Variants in ENTPD1 observed in about 807,000 individuals in gnomAD.
ENTPD1 encodes the protein ATP diphosphohydrolase.
Under a neutral mutation model 57.0 loss-of-function variants are expected in ENTPD1, and 33 were observed. The observed-to-expected ratio is 0.58, with a 90% CI of 0.44 to 0.77. The LOEUF (loss-of-function observed/expected upper bound fraction) is 0.77. ENTPD1 is among the 30% of genes least tolerant of loss of function. ENTPD1 has a pLI of 0.00. For missense variants in ENTPD1, 501 were observed against 603.4 expected, an observed-to-expected ratio of 0.83 and a Z score of 1.78; for synonymous variants, 202 against 218.8, an observed-to-expected ratio of 0.92 and a Z score of 0.68.
chr10:95,699,182 G>C, the ENTPD1 span, among the ~76,000 whole-genome samples: 1 of 149,260 alleles, frequency 6.7e-6, no homozygotes, highest in Non-Finnish European at 1.5e-5. Context: ...AAGGAAAAAG[G>C]AAAAAAAAAT....
At chr10:95,773,755 C>G (rs1000769924) in intron 1 of ENTPD1, among the ~76,000 whole-genome samples, 1 of 152,146 alleles carries the variant, frequency 6.6e-6, no homozygotes, top group Non-Finnish European at 1.5e-5. Flanking sequence ...TGGGTTGGTT[C>G]CAAGTCTTTG....
intron 1 of ENTPD1, among the ~76,000 whole-genome samples, chr10:95,745,033 A>G (rs1246855770): frequency 6.6e-6 from 1 of 152,170 alleles, no homozygotes; most frequent in Non-Finnish European, 1.5e-5. Context: ...TGGAGCTCTA[A>G]TAAGTTGATT....
At position 95,839,942 on chromosome 10, in the gene ENTPD1, G is replaced by A; in HGVS notation, c.262+134G>A. On this transcript the variant is annotated intron_variant, in intron 3 of 9. Transcript: ENST00000371205. ...AAGTGAAGAAAACAGTGCAGCTGCTGTTGTTATGTTATCGTTACAGAAAAC... is the reference window on the plus strand; with the variant it reads ...AAGTGAAGAAAACAGTGCAGCTGCTATTGTTATGTTATCGTTACAGAAAAC... The A allele has an allele frequency of 6.1e-6, 5 of 819,712 alleles. No individual in the cohort carries two copies. The South Asian group carries it at 7.4e-5, about 12-fold the overall frequency. The allele number at this position is 819,712 out of a possible 1,614,324, so 50.8% of individuals were successfully genotyped here. A position where few individuals can be genotyped will look rare whatever the true frequency, so the allele number is the denominator to read the frequency against.
intron 1 of ENTPD1, among the ~76,000 whole-genome samples, chr10:95,729,132 A>T (rs2097986755): frequency 6.6e-6 from 1 of 152,046 alleles, no homozygotes; most frequent in African/African-American, 2.4e-5. Flanking sequence ...ATGTAAGTGG[A>T]CTCTCAAAGT....
chr10:95,807,672 T>C (rs978674441), intron 1 of ENTPD1, among the ~76,000 whole-genome samples: 4 of 152,216 alleles, frequency 2.6e-5, no homozygotes, highest in African/African-American at 9.6e-5. Context: ...TTTTGAGCAG[T>C]GTTTTGTAGT....
intron 1 of ENTPD1, among the ~76,000 whole-genome samples, chr10:95,775,312 C>T (rs771840504): frequency 2.6e-5 from 4 of 152,062 alleles, no homozygotes; most frequent in African/African-American, 4.8e-5. Context: ...AATTGAATAC[C>T]CTTTATTTCT....
At chr10:95,840,281 A>G (rs958286034) in intron 3 of ENTPD1, among the ~76,000 whole-genome samples, 17 of 152,250 alleles carry the variant, frequency 1.1e-4, no homozygotes, top group Non-Finnish European at 2.2e-4. Flanking sequence ...TCAAACTTGC[A>G]TGAGCTTGTT....
At chr10:95,820,583 C>G (rs1205537523) in intron 1 of ENTPD1, among the ~76,000 whole-genome samples, 2 of 152,180 alleles carry the variant, frequency 1.3e-5, no homozygotes, top group Non-Finnish European at 2.9e-5. Flanking sequence ...CTCTTATGTT[C>G]TTACTCCCTC....
Position 95,876,750 on chromosome 10 carries a change from C to A in ENTPD1, c.*10367C>A. 1.3e-6 allele frequency: 1 copy of A among 793,440 alleles called. No homozygotes were observed. Among genetic ancestry groups the A allele is most frequent in the Non-Finnish European group, 1.6e-6 (1 of 612,882 alleles). 49.1% of individuals were successfully genotyped at this position (793,440 alleles called of 1,614,324 possible). A position where few individuals can be genotyped will look rare whatever the true frequency, so the allele number is the denominator to read the frequency against. ...GAAAAATATAATACACATCCATGTG[C>A]CCATCACAGAACTTCACTGATTATC... On this transcript the variant is annotated 3_prime_UTR_variant, in exon 10 of 10. Coordinates refer to ENST00000371205, the MANE Select transcript of ENTPD1 (RefSeq NM_001776.6).
chr10:95,723,349 C>A (rs1456349534), intron 1 of ENTPD1, among the ~76,000 whole-genome samples: 1 of 152,022 alleles, frequency 6.6e-6, no homozygotes, highest in Non-Finnish European at 1.5e-5. Context: ...TTTCTCCTAG[C>A]CCTTTACAAA....
At chr10:95,735,638 C>CA (rs1168041103) in intron 1 of ENTPD1, among the ~76,000 whole-genome samples, 1 of 152,086 alleles carries the variant, frequency 6.6e-6, no homozygotes, top group Non-Finnish European at 1.5e-5. Flanking sequence ...CCCTGTTGCC[C>CA]AGGCTGGAGT....
At chr10:95,789,644 A>G (rs1399485958) in intron 1 of ENTPD1, among the ~76,000 whole-genome samples, 1 of 152,224 alleles carries the variant, frequency 6.6e-6, no homozygotes, top group Non-Finnish European at 1.5e-5. Context: ...AATGCATAAA[A>G]TATATGTAGA....
intron 3 of ENTPD1, 152 bp downstream of exon 3, chr10:95,839,960 C>T: frequency 1.4e-6 from 1 of 734,654 alleles, no homozygotes; most frequent in South Asian, 1.6e-5. Context: ...GTTATCGTTA[C>T]AGAAAACATA....
chr10:95,841,286 C>T (rs1054187858), intron 3 of ENTPD1, among the ~76,000 whole-genome samples: 6 of 152,086 alleles, frequency 3.9e-5, no homozygotes, highest in Non-Finnish European at 8.8e-5. Context: ...ACTAGGGTGG[C>T]TGAGGCAGGA....
At chr10:95,853,263 G>A (rs1488476176) in intron 7 of ENTPD1, among the ~76,000 whole-genome samples, 2 of 152,084 alleles carry the variant, frequency 1.3e-5, no homozygotes, top group Non-Finnish European at 2.9e-5. Flanking sequence ...AACGCTTGTG[G>A]TTTTTGCACA....
intron 1 of ENTPD1, among the ~76,000 whole-genome samples, chr10:95,809,101 G>T (rs995242337): frequency 1.3e-5 from 2 of 152,164 alleles, no homozygotes; most frequent in African/African-American, 4.8e-5. Flanking sequence ...AGAACAAAAT[G>T]GAGTCTCCTA....
chr10:95,705,779 A>C, the ENTPD1 span, among the ~76,000 whole-genome samples: 15 of 152,218 alleles, frequency 9.9e-5, 1 homozygote, highest in African/African-American at 2.4e-4. Flanking sequence ...GGCATAAGCC[A>C]CTGCGCCAGG....
chr10:95,726,944 G>C (rs1338114935), intron 1 of ENTPD1, among the ~76,000 whole-genome samples: 1 of 152,128 alleles, frequency 6.6e-6, no homozygotes, highest in Non-Finnish European at 1.5e-5. Context: ...ACTCAGGTTA[G>C]GGTCACTGGC....
intron 1 of ENTPD1, among the ~76,000 whole-genome samples, chr10:95,804,161 G>T (rs1354527068): frequency 6.6e-6 from 1 of 152,180 alleles, no homozygotes; most frequent in Non-Finnish European, 1.5e-5. Flanking sequence ...TGTTCTTCTT[G>T]CTTAGGATTG....
Sources: gnomAD v4.1 joint callset for allele counts (sites outside exome capture counted in the v4.1 genomes callset) on GRCh38, gnomAD v4.1.1 for gene constraint, MANE v1.5 for transcripts, NCBI Gene and HGNC (gene_info 2026-07-23, HGNC 2026-07-21) for gene names.